Variants in MTUS2 observed in about 807,000 individuals in gnomAD.
The protein encoded by MTUS2 is microtubule-associated tumor suppressor candidate 2.
MTUS2 carries 40 observed loss-of-function variants against 114.1 expected under a neutral mutation model. That is an observed-to-expected ratio of 0.35 (90% CI 0.27 to 0.46). The LOEUF (loss-of-function observed/expected upper bound fraction) is 0.46, where lower values mean the gene tolerates loss of function less well. Ranked by LOEUF, MTUS2 falls within the 20% of genes least tolerant of loss-of-function variation. The probability of loss-of-function intolerance (pLI) is 1.00; values close to 1 mark genes in which losing one functional copy is unlikely to be tolerated. For synonymous variants in MTUS2, 688 were observed against 672.0 expected, an observed-to-expected ratio of 1.02 and a Z score of -0.37; for missense variants, 1,679 against 1,705.4, an observed-to-expected ratio of 0.98 and a Z score of 0.27.
intron 2 of MTUS2, among the ~76,000 whole-genome samples, chr13:28,915,109 T>C (rs1453490707): frequency 6.6e-6 from 1 of 151,980 alleles, no homozygotes; most frequent in East Asian, 1.9e-4. Context: ...AATATTGTTA[T>C]GTGTGAATTG....
At chr13:29,221,159 A>G (rs894058896) in intron 5 of MTUS2, among the ~76,000 whole-genome samples, 7 of 152,352 alleles carry the variant, frequency 4.6e-5, no homozygotes, top group Middle Eastern at 3.4e-3. Context: ...ACAGCTATGA[A>G]ACATCCTTGG....
chr13:29,321,708 T>C (rs1392782143), intron 6 of MTUS2, among the ~76,000 whole-genome samples: 2 of 152,194 alleles, frequency 1.3e-5, no homozygotes, highest in Admixed American at 1.3e-4. Flanking sequence ...TATGTGATGA[T>C]TACAAAATAT....
At chr13:29,163,879 T>G (rs559111373) in intron 5 of MTUS2, among the ~76,000 whole-genome samples, 1 of 152,284 alleles carries the variant, frequency 6.6e-6, no homozygotes, top group South Asian at 2.1e-4. Context: ...GATGTCTTCC[T>G]ACACTCCAGA....
intron 4 of MTUS2, among the ~76,000 whole-genome samples, chr13:29,068,097 A>G (rs1888744293): frequency 6.6e-6 from 1 of 152,220 alleles, no homozygotes; most frequent in Non-Finnish European, 1.5e-5. Flanking sequence ...GAGATGGTGT[A>G]AAAGAGAAGA....
chr13:29,502,501 G>A (rs1243097227), intron 15 of MTUS2, among the ~76,000 whole-genome samples: 1 of 152,224 alleles, frequency 6.6e-6, no homozygotes, highest in African/African-American at 2.4e-5. Flanking sequence ...TTTCCAGCAG[G>A]GGAGGACACC....
intron 5 of MTUS2, among the ~76,000 whole-genome samples, chr13:29,234,331 A>G (rs551504319): frequency 6.6e-6 from 1 of 152,116 alleles, no homozygotes; most frequent in South Asian, 2.1e-4. Context: ...TCCACACGTG[A>G]TATTGGTAAA....
At chr13:29,068,379 G>A (rs892852774) in intron 4 of MTUS2, among the ~76,000 whole-genome samples, 6 of 151,858 alleles carry the variant, frequency 4.0e-5, no homozygotes, top group Admixed American at 6.6e-5. Context: ...AGTTTCCTCC[G>A]TCTACACCCA....
At chr13:28,839,001 G>GA (rs1875283272) in intron 1 of MTUS2, among the ~76,000 whole-genome samples, 1 of 56,432 alleles carries the variant, frequency 1.8e-5, no homozygotes, top group Non-Finnish European at 4.5e-5. Context: ...TTTCAATCCT[G>GA]ATTTTTTTTT....
At chr13:28,883,324 T>G (rs1209521623) in intron 2 of MTUS2, among the ~76,000 whole-genome samples, 1 of 152,208 alleles carries the variant, frequency 6.6e-6, no homozygotes, top group African/African-American at 2.4e-5. Context: ...AAATGAAAAC[T>G]TATTTTCATA....
intron 5 of MTUS2, among the ~76,000 whole-genome samples, chr13:29,192,883 G>C (rs2139200837): frequency 6.6e-6 from 1 of 152,266 alleles, no homozygotes; most frequent in African/African-American, 2.4e-5. Context: ...GTTTAAGTTT[G>C]TTAATTTAGG....
chr13:28,998,097 G>A (rs9670301), intron 2 of MTUS2, among the ~76,000 whole-genome samples: 2,692 of 152,018 alleles, frequency 0.018, 84 homozygotes, highest in African/African-American at 0.061. Context: ...TGGTGACAAA[G>A]TCTCTCAGCA....
At chr13:29,293,789 A>G (rs759153133) in intron 6 of MTUS2, among the ~76,000 whole-genome samples, 32 of 152,178 alleles carry the variant, frequency 2.1e-4, no homozygotes, top group Non-Finnish European at 4.3e-4. Flanking sequence ...TTACATGGAA[A>G]GATGTCCATA....
At chr13:29,180,421 A>G (rs368079628) in intron 5 of MTUS2, among the ~76,000 whole-genome samples, 4 of 152,388 alleles carry the variant, frequency 2.6e-5, no homozygotes, top group African/African-American at 7.2e-5. Context: ...GGGCAAAGAT[A>G]GAAGCAAATT....
intron 5 of MTUS2, among the ~76,000 whole-genome samples, chr13:29,179,290 T>C (rs9579301): frequency 0.59 from 89,916 of 152,082 alleles, 26,823 homozygotes; most frequent in African/African-American, 0.64. Context: ...GTTAACCATA[T>C]GCAGAGGACA....
intron 5 of MTUS2, among the ~76,000 whole-genome samples, chr13:29,251,100 A>C (rs947559783): frequency 9.9e-5 from 15 of 152,166 alleles, no homozygotes; most frequent in African/African-American, 3.6e-4. Flanking sequence ...GGTAATTTAT[A>C]ATATAAAGTT....
rs564200691 is a variant in MTUS2 at position 29,175,854 on chromosome 13, CAT to C, written c.2644+74887_2644+74888del. ...GCTGAGCATTTATTTAAATATCACA[CAT>C]ATTTTAAATTTATAATTTATTTAAA... On this transcript the variant is annotated intron_variant, in intron 5 of 15. Coordinates refer to ENST00000612955, the MANE Select transcript of MTUS2 (RefSeq NM_001033602.4). Among the ~76,000 whole-genome samples, 426 of 151,896 alleles carry C rather than the reference CAT, an allele frequency of 2.8e-3. 5 individuals are homozygous for C. Among genetic ancestry groups the C allele is most frequent in the Non-Finnish European group, 4.5e-3 (308 of 67,980 alleles).
At chr13:28,955,638 C>T (rs1363924795) in intron 2 of MTUS2, among the ~76,000 whole-genome samples, 1 of 152,172 alleles carries the variant, frequency 6.6e-6, no homozygotes, top group Admixed American at 6.5e-5. Context: ...GTAAGCCAAT[C>T]CTTTCTTACT....
chr13:29,227,698 T>G (rs889909006), intron 5 of MTUS2, among the ~76,000 whole-genome samples: 15 of 152,182 alleles, frequency 9.9e-5, no homozygotes. Flanking sequence ...TACTTTATCC[T>G]TGGAATAAAA....
intron 5 of MTUS2, among the ~76,000 whole-genome samples, chr13:29,152,727 G>A (rs1892710023): frequency 6.6e-6 from 1 of 151,986 alleles, no homozygotes; most frequent in Non-Finnish European, 1.5e-5. Context: ...GAGAGAGAGG[G>A]CCCCAAAGAT....
Sources: gnomAD v4.1 joint callset for allele counts (sites outside exome capture counted in the v4.1 genomes callset) on GRCh38, gnomAD v4.1.1 for gene constraint, MANE v1.5 for transcripts, NCBI Gene and HGNC (gene_info 2026-07-23, HGNC 2026-07-21) for gene names.